The following LMO7 variants were observed in gnomAD, a reference collection of about 807,000 sequenced individuals.
LMO7 encodes the protein LIM domain 7, also known as LIM domain only protein 7.
In LMO7, 120 loss-of-function variants were observed where a neutral mutation model predicts 206.5. The observed-to-expected ratio is 0.58, with a 90% confidence interval of 0.50 to 0.68. LMO7 has a LOEUF of 0.68. Among genes scored for constraint, LMO7 ranks in the 30% least tolerant of loss-of-function variants. The pLI, the probability that LMO7 is intolerant of heterozygous loss-of-function variation, is 0.00. For missense variants in LMO7, 1,959 were observed against 1,957.9 expected (o/e 1.00, Z -0.01); for synonymous variants, 706 against 681.5 (o/e 1.04, Z -0.56).
At chr13:75,810,459 T>C (rs1296643811) in intron 11 of LMO7, among the ~76,000 whole-genome samples, 1 of 152,220 alleles carries the variant, frequency 6.6e-6, no homozygotes, top group Non-Finnish European at 1.5e-5. Flanking sequence ...AAATTGCAAG[T>C]ACTTGTTAGC....
chr13:75,636,180 A>C, upstream of LMO7: 1 of 487,384 alleles, frequency 2.1e-6, no homozygotes, highest in Non-Finnish European at 2.6e-6. Flanking sequence ...AGACAGTCTG[A>C]CCACAGAGGC....
chr13:75,851,232 C>T (rs981914283), intron 27 of LMO7, among the ~76,000 whole-genome samples: 18 of 152,022 alleles, frequency 1.2e-4, no homozygotes, highest in African/African-American at 3.6e-4. Flanking sequence ...AGCAGAATGA[C>T]GATAGTTCTA....
At chr13:75,738,383 A>G (rs1032608101) in intron 3 of LMO7, among the ~76,000 whole-genome samples, 11 of 152,214 alleles carry the variant, frequency 7.2e-5, no homozygotes, top group Admixed American at 2.6e-4. Flanking sequence ...GAGCAATGGC[A>G]ATACAGAGAG....
chr13:75,715,228 A>G (rs2043440839), intron 2 of LMO7, among the ~76,000 whole-genome samples: 1 of 152,246 alleles, frequency 6.6e-6, no homozygotes, highest in Admixed American at 6.5e-5. Context: ...TCCAAAAGCT[A>G]TACCCAGCCT....
rs2059487023 is a variant in LMO7 at position 75,840,583 on chromosome 13, T to G, written c.3582+88T>G. The G allele has an allele frequency of 1.8e-5, 27 of 1,466,574 alleles. No homozygotes were observed. The East Asian group carries it at 6.4e-4, about 34-fold the overall frequency. 90.8% of individuals were successfully genotyped at this position (1,466,574 alleles called of 1,614,324 possible). A position where few individuals can be genotyped will look rare whatever the true frequency, so the allele number is the denominator to read the frequency against. On this transcript the variant is annotated intron_variant, in intron 22 of 30. Transcript: ENST00000377534. ...GTCAACCAGTATTGAGAAACTAATT[T>G]TAAACGCAACAATCTCACAACTAAC...
rs11351364 is a variant in LMO7 at position 75,796,619 on chromosome 13, ATTTTT to A, written c.349-8_349-4del. On this transcript the variant is annotated splice_polypyrimidine_tract_variant and intron_variant, in intron 5 of 30. Coordinates refer to ENST00000377534, the MANE Select transcript of LMO7 (RefSeq NM_001306080.2). The stretch of plus-strand genomic sequence containing the variant: ...AATCGACTGATCTTGTTGTTCATGG[ATTTTT>A]TTTTTTTTAAGGTTTTGATAACATT... 7.7e-7 allele frequency: 1 copy of A among 1,300,466 alleles called. No homozygotes were observed. The highest frequency in any genetic ancestry group is 2.6e-5 in the East Asian group (1 of 39,036). The allele number at this position is 1,300,466 out of a possible 1,614,324, so 80.6% of individuals were successfully genotyped here. A position where few individuals can be genotyped will look rare whatever the true frequency, so the allele number is the denominator to read the frequency against.
chr13:75,784,133 G>T (rs1415265209), intron 4 of LMO7, among the ~76,000 whole-genome samples: 2 of 152,166 alleles, frequency 1.3e-5, no homozygotes, highest in East Asian at 3.9e-4. Context: ...GTAGAGGTCA[G>T]GCATGCCACT....
At chr13:75,708,784 C>T (rs1051350460) in intron 1 of LMO7, among the ~76,000 whole-genome samples, 1 of 151,784 alleles carries the variant, frequency 6.6e-6, no homozygotes, top group Non-Finnish European at 1.5e-5. Context: ...TTAAACATTA[C>T]ATTTTTCTTT....
rs186716320 is a variant in LMO7, at chr13:75,823,302, G to A, written c.2641-263G>A. ...AGTTTAGATTCAGTGGAAATTTAAT[G>A]CTTAAGATGTTTGCTTGGAGTAAAC... On this transcript the variant is annotated intron_variant, in intron 14 of 30. Transcript: ENST00000377534. 9.2e-5 allele frequency among the ~76,000 whole-genome samples: 14 copies of A among 152,296 alleles called. No individual in the cohort carries two copies. The East Asian group carries it at 1.5e-3, about 17-fold the overall frequency.
chr13:75,641,625 C>T (rs1466246301), intron 1 of LMO7, among the ~76,000 whole-genome samples: 1 of 151,940 alleles, frequency 6.6e-6, no homozygotes, highest in Admixed American at 6.6e-5. Context: ...GTCTTAATGC[C>T]TATTTGTTTC....
chr13:75,781,739 C>T (rs1307627437), intron 4 of LMO7, among the ~76,000 whole-genome samples: 1 of 151,986 alleles, frequency 6.6e-6, no homozygotes, highest in Non-Finnish European at 1.5e-5. Context: ...TTTACAGTCC[C>T]ATCAACAGTG....
At position 75,733,425 on chromosome 13, in the gene LMO7, C is replaced by T. The variant is rs572852393; in HGVS notation, c.210+6327C>T. Among the ~76,000 whole-genome samples, 706 of 152,318 alleles carry T rather than the reference C, an allele frequency of 4.6e-3. 2 individuals are homozygous for T. The highest frequency in any genetic ancestry group is 5.6e-3 in the Non-Finnish European group (381 of 68,032). ...AAGACTCCGTGGGCGTAGGACCCTC[C>T]GAGCCAGGTGTGGGATATAATCTCC... On this transcript the variant is annotated intron_variant, in intron 3 of 30. Coordinates refer to ENST00000377534, the MANE Select transcript of LMO7 (RefSeq NM_001306080.2).
At position 75,708,164 on chromosome 13, in the gene LMO7, A is replaced by G. The variant is rs74714521; in HGVS notation, c.70-5018A>G. On this transcript the variant is annotated intron_variant, in intron 1 of 30. Coordinates refer to ENST00000377534, the MANE Select transcript of LMO7 (RefSeq NM_001306080.2). Reference sequence around the variant, plus strand: ...AAGAACTTGATTGCACATTTCAGCCACTACAAACTAATAAGCAGGTGATAT... The same window carrying G: ...AAGAACTTGATTGCACATTTCAGCCGCTACAAACTAATAAGCAGGTGATAT... 9.4e-3 allele frequency among the ~76,000 whole-genome samples: 1,431 copies of G among 152,302 alleles called. 23 individuals are homozygous for G. Among genetic ancestry groups the G allele is most frequent in the East Asian group, 0.056 (291 of 5,180 alleles).
intron 16 of LMO7, among the ~76,000 whole-genome samples, chr13:75,833,829 T>G (rs574752457): frequency 1.2e-4 from 18 of 152,308 alleles, no homozygotes; most frequent in Admixed American, 1.1e-3. Context: ...TATGGAGTAA[T>G]TTTAAGCAGT....
At chr13:75,854,840 T>G (rs1424316129) in intron 28 of LMO7, 1 of 154,596 alleles carries the variant, frequency 6.5e-6, no homozygotes, top group East Asian at 1.9e-4. Flanking sequence ...CAAAGCCTCT[T>G]GAAGAAAGCT....
At chr13:75,794,384 A>G (rs1256221524) in intron 4 of LMO7, among the ~76,000 whole-genome samples, 1 of 152,138 alleles carries the variant, frequency 6.6e-6, no homozygotes, top group Non-Finnish European at 1.5e-5. Context: ...GTTTTCTGGA[A>G]AGGAATGGTC....
chr13:75,694,647 G>A (rs1173880840), intron 1 of LMO7, among the ~76,000 whole-genome samples: 1 of 152,150 alleles, frequency 6.6e-6, no homozygotes. Flanking sequence ...TTGAGTCTGG[G>A]ACGTTGGGAG....
At chr13:75,809,690 G>C (rs914143096) in intron 11 of LMO7, among the ~76,000 whole-genome samples, 12 of 151,932 alleles carry the variant, frequency 7.9e-5, no homozygotes, top group African/African-American at 2.7e-4. Context: ...TCCCTAGGTG[G>C]TATTTGGAAG....
At chr13:75,667,004 C>A (rs184192690) in intron 1 of LMO7, among the ~76,000 whole-genome samples, 4 of 152,256 alleles carry the variant, frequency 2.6e-5, no homozygotes, top group Non-Finnish European at 2.9e-5. Context: ...GTCTAGCTTA[C>A]TCTTAGGTTT....
Sources: allele counts gnomAD v4.1 joint callset (sites outside exome capture counted in the v4.1 genomes callset), GRCh38; gene constraint gnomAD v4.1.1; transcripts MANE v1.5; gene names NCBI Gene and HGNC (gene_info 2026-07-23, HGNC 2026-07-21).